Variants in ATP8A2 observed in about 807,000 individuals in gnomAD.
The protein encoded by ATP8A2 is ATPase phospholipid transporting 8A2, also known as phospholipid-transporting ATPase IB.
ATP8A2 carries 100 observed loss-of-function variants against 165.6 expected under a neutral mutation model. The observed-to-expected ratio is 0.60, with a 90% CI of 0.51 to 0.71. ATP8A2 has a LOEUF of 0.71. Ranked by LOEUF, ATP8A2 falls within the 30% of genes least tolerant of loss-of-function variation. The probability of loss-of-function intolerance (pLI) is 0.00; values close to 1 mark genes in which losing one functional copy is unlikely to be tolerated. For missense variants in ATP8A2, 1,227 were observed against 1,479.5 expected (o/e 0.83, Z 2.80); for synonymous variants, 543 against 548.8 (o/e 0.99, Z 0.15).
chr13:25,569,656 C>G (rs1593553094), intron 16 of ATP8A2, among the ~76,000 whole-genome samples: 2 of 152,162 alleles, frequency 1.3e-5, no homozygotes, highest in East Asian at 3.9e-4. Context: ...AAAGGGAAAA[C>G]TTCTCATTTG....
chr13:25,862,475 T>A, intron 33 of ATP8A2, 67 bp downstream of exon 33: 2 of 1,239,458 alleles, frequency 1.6e-6, no homozygotes, highest in Non-Finnish European at 2.4e-6. Context: ...CATGGGCGGG[T>A]GAGCAGGCAC....
rs12184735 is a variant in ATP8A2 at position 25,727,973 on chromosome 13, A to C, written c.2384+28628A>C. Among the ~76,000 whole-genome samples the C allele has an allele frequency of 5.7e-3, 870 of 152,090 alleles. 14 individuals are homozygous for C. The highest frequency in any genetic ancestry group is 0.02 in the African/African-American group (842 of 41,468). ...GCTCACCAGGTAGTCACGTGACCCT[A>C]CTCACCTGTGCAAATGCCCCCACGC... On this transcript the variant is annotated intron_variant, in intron 25 of 36. Transcript: ENST00000381655.
chr13:25,687,094 C>T (rs1009931313), intron 24 of ATP8A2, among the ~76,000 whole-genome samples: 10 of 152,120 alleles, frequency 6.6e-5, no homozygotes, highest in African/African-American at 2.2e-4. Flanking sequence ...AGAAGGGAGT[C>T]GTGGAGCAGA....
chr13:25,907,447 A>G (rs1371100404), intron 33 of ATP8A2, among the ~76,000 whole-genome samples: 1 of 152,244 alleles, frequency 6.6e-6, no homozygotes, highest in Non-Finnish European at 1.5e-5. Context: ...AACAATTGAT[A>G]GGAGCTTGGC....
At chr13:25,698,786 G>A (rs937793571) in intron 24 of ATP8A2, among the ~76,000 whole-genome samples, 6 of 151,990 alleles carry the variant, frequency 3.9e-5, no homozygotes, top group Non-Finnish European at 8.8e-5. Flanking sequence ...TTTATCTTTT[G>A]GATGCTTTAA....
intron 25 of ATP8A2, among the ~76,000 whole-genome samples, chr13:25,733,021 T>C (rs2043686776): frequency 6.6e-6 from 1 of 152,142 alleles, no homozygotes; most frequent in Non-Finnish European, 1.5e-5. Context: ...ACTGAATGGG[T>C]AGTATCTAAG....
chr13:25,770,430 C>T (rs573939281), intron 26 of ATP8A2, among the ~76,000 whole-genome samples: 1 of 152,262 alleles, frequency 6.6e-6, no homozygotes, highest in South Asian at 2.1e-4. Context: ...AGCTTTGACT[C>T]CCTATGATTT....
intron 24 of ATP8A2, among the ~76,000 whole-genome samples, chr13:25,594,736 G>A (rs1419255166): frequency 6.6e-6 from 1 of 152,116 alleles, no homozygotes; most frequent in Non-Finnish European, 1.5e-5. Context: ...GTCACTGTGG[G>A]AATGTAAACT....
intron 24 of ATP8A2, among the ~76,000 whole-genome samples, chr13:25,692,800 A>G (rs1481176854): frequency 6.6e-6 from 1 of 152,228 alleles, no homozygotes; most frequent in Non-Finnish European, 1.5e-5. Context: ...AGAAATGTGA[A>G]GTTCACAGGA....
At chr13:25,445,544 A>G (rs1334977135) in intron 1 of ATP8A2, among the ~76,000 whole-genome samples, 1 of 152,176 alleles carries the variant, frequency 6.6e-6, no homozygotes, top group Non-Finnish European at 1.5e-5. Context: ...TGCTGACTTT[A>G]CTCAAATATT....
At chr13:25,508,983 C>A (rs1182618296) in intron 2 of ATP8A2, among the ~76,000 whole-genome samples, 1 of 152,186 alleles carries the variant, frequency 6.6e-6, no homozygotes, top group African/African-American at 2.4e-5. Flanking sequence ...TTAGAAATAA[C>A]ATTTCGTTGG....
intron 34 of ATP8A2, among the ~76,000 whole-genome samples, chr13:25,964,684 C>G (rs1180432804): frequency 1.3e-5 from 2 of 152,086 alleles, no homozygotes; most frequent in Admixed American, 1.3e-4. Flanking sequence ...TTGGGGTTCC[C>G]AGAAAGGGTG....
At chr13:25,539,410 G>T (rs2038397893) in intron 7 of ATP8A2, among the ~76,000 whole-genome samples, 1 of 137,088 alleles carries the variant, frequency 7.3e-6, no homozygotes, top group Non-Finnish European at 1.7e-5. Context: ...ACAGTGCCCA[G>T]CCAGTTTTTT....
intron 27 of ATP8A2, among the ~76,000 whole-genome samples, chr13:25,809,171 A>C (rs918600116): frequency 1.3e-5 from 2 of 152,152 alleles, no homozygotes; most frequent in African/African-American, 4.8e-5. Flanking sequence ...CAACAGACAC[A>C]GGGGCCTCTG....
chr13:26,019,136 G>C lies in ATP8A2; in HGVS notation c.3470-752G>C, dbSNP rs760848116. Among the ~76,000 whole-genome samples the C allele has an allele frequency of 2.6e-5, 4 of 152,196 alleles. No homozygotes were observed. In the East Asian group the frequency reaches 7.7e-4, roughly 29 times the overall value. On this transcript the variant is annotated intron_variant, in intron 36 of 36. Coordinates refer to ENST00000381655, the MANE Select transcript of ATP8A2 (RefSeq NM_016529.6). The stretch of plus-strand genomic sequence containing the variant: ...GGGCTGGGTGTGGTGGCTCAGGCCT[G>C]TAATCCCAGCACTTTGGGAGGCCAA...
chr13:25,579,770 G>A (rs770045188), intron 21 of ATP8A2, 38 bp from the exon 22 acceptor site: 31 of 1,607,242 alleles, frequency 1.9e-5, no homozygotes, highest in South Asian at 1.3e-4. Context: ...GAGGTCACGC[G>A]TTCTGCCTGC....
At chr13:25,525,617 G>A (rs1452166340) in intron 2 of ATP8A2, among the ~76,000 whole-genome samples, 2 of 152,032 alleles carry the variant, frequency 1.3e-5, no homozygotes, top group Non-Finnish European at 2.9e-5. Context: ...TTAGCACTTT[G>A]AAAATTTTGT....
chr13:25,650,947 C>A (rs2041797374), intron 24 of ATP8A2, among the ~76,000 whole-genome samples: 1 of 152,058 alleles, frequency 6.6e-6, no homozygotes, highest in African/African-American at 2.4e-5. Context: ...CTATAGTGTT[C>A]ATTTTTCTGC....
At chr13:25,528,796 T>C (rs1362254842) in intron 2 of ATP8A2, among the ~76,000 whole-genome samples, 1 of 72,706 alleles carries the variant, frequency 1.4e-5, no homozygotes, top group African/African-American at 4.4e-5. Flanking sequence ...AACATGTGTA[T>C]GCACACATAT....
Sources: allele counts gnomAD v4.1 joint callset (sites outside exome capture counted in the v4.1 genomes callset), GRCh38; gene constraint gnomAD v4.1.1; transcripts MANE v1.5; gene names NCBI Gene and HGNC (gene_info 2026-07-23, HGNC 2026-07-21).